USP6: variants seen among roughly 807,000 people sequenced by gnomAD.
USP6 encodes ubiquitin carboxyl-terminal hydrolase 6.
USP6 carries 128 observed loss-of-function variants against 175.7 expected under a neutral mutation model. That is an observed-to-expected ratio of 0.73 (90% CI 0.63 to 0.84). The LOEUF (loss-of-function observed/expected upper bound fraction) is 0.84, where lower values mean the gene tolerates loss of function less well. USP6 is among the 40% of genes least tolerant of loss of function. The pLI is 0.00. For synonymous variants in USP6, 562 were observed against 630.6 expected (o/e 0.89, Z 1.63); for missense variants, 1,498 against 1,760.3 (o/e 0.85, Z 2.67).
In USP6 at chr17:5,129,140, C is replaced by T. The variant is rs940623359; in HGVS notation, c.-156+7C>T. Reference sequence around the variant, plus strand: ...GAATGTACCCATTCGACAGGTGAGCCGTCTGGGGTCAGAGAGGCAGTAACT... The same window carrying T: ...GAATGTACCCATTCGACAGGTGAGCTGTCTGGGGTCAGAGAGGCAGTAACT... On this transcript the variant is annotated splice_region_variant and intron_variant, in intron 8 of 37. Coordinates refer to ENST00000574788, the MANE Select transcript of USP6 (RefSeq NM_001304284.2). 3.9e-5 allele frequency: 6 copies of T among 152,342 alleles called. No individual in the cohort carries two copies. The highest frequency in any genetic ancestry group is 9.7e-5 in the African/African-American group (4 of 41,432). 9.4% of individuals were successfully genotyped at this position (152,342 alleles called of 1,614,324 possible). A position where few individuals can be genotyped will look rare whatever the true frequency, so the allele number is the denominator to read the frequency against.
chr17:5,172,603 A>G (rs761895666), intron 37 of USP6, among the ~76,000 whole-genome samples: 8 of 152,208 alleles, frequency 5.3e-5, no homozygotes, highest in Admixed American at 2.6e-4. Flanking sequence ...TGACTTGTCT[A>G]TGGTCAAAAT....
chr17:5,144,801 GA>G lies in USP6; in HGVS notation c.1934del (p.Lys645SerfsTer6). 3.1e-6 allele frequency: 5 copies of G among 1,613,704 alleles called. No individual in the cohort carries two copies. The highest frequency in any genetic ancestry group is 3.4e-6 in the Non-Finnish European group (4 of 1,179,676). On this transcript the variant is annotated frameshift_variant, in exon 26 of 38. Transcript: ENST00000574788. LOFTEE classifies it high-confidence loss of function. ...TCATGAAGATCTCAACCGAGTCCATGAAAAGCCATATGTGGAACTGAAGGAC... is the reference window on the plus strand; with the variant it reads ...TCATGAAGATCTCAACCGAGTCCATGAAAGCCATATGTGGAACTGAAGGAC... ...GLHEDLNRVH[E>X]KPYVELKDSD...
chr17:5,165,987 T>G (rs1191202803), intron 33 of USP6, among the ~76,000 whole-genome samples: 1 of 152,240 alleles, frequency 6.6e-6, no homozygotes, highest in Admixed American at 6.5e-5. Flanking sequence ...TTACTCTCAT[T>G]TGTGGTTGGC....
In USP6 at chr17:5,121,622, G is replaced by A. The variant is rs7209201; in HGVS notation, c.-1427G>A. Reference sequence around the variant, plus strand: ...AGGGGCTCATCAGAAGCATGGAGCAGCAGCTGTGCGAGCTCTGCTGCGACG... The same window carrying A: ...AGGGGCTCATCAGAAGCATGGAGCAACAGCTGTGCGAGCTCTGCTGCGACG... On this transcript the variant is annotated 5_prime_UTR_variant, in exon 4 of 38. Coordinates refer to ENST00000574788, the MANE Select transcript of USP6 (RefSeq NM_001304284.2). The A allele has an allele frequency of 0.056, 9,006 of 161,700 alleles. 896 individuals carry two copies. Among genetic ancestry groups the A allele is most frequent in the African/African-American group, 0.2 (8,475 of 41,546 alleles). The allele number at this position is 161,700 out of a possible 1,614,324, so 10.0% of individuals were successfully genotyped here.
intron 4 of USP6, among the ~76,000 whole-genome samples, chr17:5,124,337 T>A (rs2072820349): frequency 6.6e-6 from 1 of 152,120 alleles, no homozygotes; most frequent in African/African-American, 2.4e-5. Context: ...GCTTCCCACA[T>A]AATCGGGTCA....
chr17:5,147,666 A>C (rs1288032339), intron 29 of USP6, among the ~76,000 whole-genome samples: 1 of 152,156 alleles, frequency 6.6e-6, no homozygotes, highest in African/African-American at 2.4e-5. Flanking sequence ...GGCTCCCTTC[A>C]TTGACGTGTA....
chr17:5,173,194 C>T lies in USP6; in HGVS notation c.*216C>T, dbSNP rs1290426869. On this transcript the variant is annotated 3_prime_UTR_variant, in exon 38 of 38. Coordinates refer to ENST00000574788, the MANE Select transcript of USP6 (RefSeq NM_001304284.2). ...TGATAGAGAACTTTCAGGCAGATCC[C>T]ACCATTAGCCTGTAAACAAAAGGTG... 1.7e-6 allele frequency: 1 copy of T among 579,364 alleles called. No homozygotes were observed. The allele number at this position is 579,364 out of a possible 1,614,324, so 35.9% of individuals were successfully genotyped here.
chr17:5,172,633 T>C (rs183052734), intron 37 of USP6, among the ~76,000 whole-genome samples, 172 bp from the exon 38 acceptor site: 245 of 152,292 alleles, frequency 1.6e-3, no homozygotes, highest in Middle Eastern at 6.8e-3. Flanking sequence ...AAAGCAAACA[T>C]TGGAAATAAT....
In USP6 at chr17:5,155,571, C is replaced by G. The variant is rs770425081; in HGVS notation, c.2793C>G (p.Leu931=). 5.6e-6 allele frequency: 9 copies of G among 1,613,982 alleles called. No homozygotes were observed. In the Admixed American group the frequency reaches 1.2e-4, roughly 21 times the overall value. ...AAGTATCCTGGTTAGCAAGACCACT[C>G]CCACCTCAGGAAGCTAGTATTCATG... ...WIQVSWLARP[L]PPQEASIHAQ... Residue 931 remains leucine, a synonymous_variant, in exon 31 of 38, where the codon CTC becomes CTG. Transcript: ENST00000574788.
At position 5,139,323 on chromosome 17, in the gene USP6, A is replaced by G; in HGVS notation, c.1147A>G (p.Lys383Glu). The G allele has an allele frequency of 6.2e-7, 1 of 1,611,478 alleles. No individual in the cohort carries two copies. The highest frequency in any genetic ancestry group is 1.3e-5 in the African/African-American group (1 of 75,016). ...PASRGGKTLC[K>E]GYRQAPPGPP... ...TTCACGTGGTGGGAAGACCCTCTGC[A>G]AGGGGTATAGGCAGGCCCCTCCAGG... Residue 383 changes from lysine (K) to glutamate (E), a missense_variant, in exon 22 of 38, where the codon AAG (lysine) becomes GAG (glutamate). Physicochemically the swap from Lys to Glu is moderately conservative, Grantham distance 56. Transcript: ENST00000574788.
In USP6 at chr17:5,116,731, C is replaced by G. The variant is rs1420371804; in HGVS notation, c.-1937C>G. The G allele has an allele frequency of 2.0e-5, 3 of 152,280 alleles. No individual in the cohort carries two copies. Among genetic ancestry groups the G allele is most frequent in the Non-Finnish European group, 4.4e-5 (3 of 68,064 alleles). 9.4% of individuals were successfully genotyped at this position (152,280 alleles called of 1,614,324 possible). On this transcript the variant is annotated 5_prime_UTR_variant, in exon 1 of 38. Coordinates refer to ENST00000574788, the MANE Select transcript of USP6 (RefSeq NM_001304284.2). ...ACCGGAATTTGAATTCGTTTCTTCA[C>G]TTACTAGTTGTGAGTCTTTGGGCAA...
Position 5,142,383 on chromosome 17 carries a change from T to C in USP6, c.1713-14T>C. 9 of 1,601,742 alleles carry C rather than the reference T, an allele frequency of 5.6e-6. No homozygotes were observed. Among genetic ancestry groups the C allele is most frequent in the Non-Finnish European group, 7.7e-6 (9 of 1,172,090 alleles). On this transcript the variant is annotated splice_polypyrimidine_tract_variant and intron_variant, in intron 24 of 37. Coordinates refer to ENST00000574788, the MANE Select transcript of USP6 (RefSeq NM_001304284.2). ...GAGAATCTTTGGCAACAAATTTTCC[T>C]CTCAAACTTCTAGGACAAATCCCAT...
In USP6 at chr17:5,155,603, A is replaced by T; in HGVS notation, c.2825A>T (p.Asp942Val). 6.2e-7 allele frequency: 1 copy of T among 1,613,920 alleles called. No individual in the cohort carries two copies. The highest frequency in any genetic ancestry group is 8.5e-7 in the Non-Finnish European group (1 of 1,179,900). ...CAGGAAGCTAGTATTCATGCCCAGG[A>T]TCGGTGAGTTCAGGGGATCCATCTA... ...PPQEASIHAQDRDNCMGYQYP... is the reference protein window; with the variant it reads ...PPQEASIHAQVRDNCMGYQYP... The change falls in exon 31 of 38, where the codon GAT (aspartate) becomes GTT (valine). Residue 942 changes from aspartate to valine, a missense_variant. This residue lies in a region of USP6 where 1,217 missense variants were observed against 1,500.8 expected (regional missense o/e 0.81). Coordinates refer to ENST00000574788, the MANE Select transcript of USP6 (RefSeq NM_001304284.2).
Position 5,136,725 on chromosome 17 carries a change from G to A in USP6, c.750G>A (p.Met250Ile), listed in dbSNP as rs748510133. ...HVVPKSQPKT[M>I]WHQDKEGLCG... is the part of the protein sequence containing the mutation. ...TACCCAAGTCACAACCCAAGACCAT[G>A]TGGCATCAGGTGAGTTTATGGTCCC... Residue 250 changes from methionine to isoleucine, a missense_variant, in exon 18 of 38, where the codon ATG becomes ATA. Met to Ile is a conservative substitution (Grantham distance 10, BLOSUM62 1). Around this residue, in one of 2 missense-constraint regions of USP6, gnomAD observed 1,217 missense variants for 1,500.8 expected, o/e 0.81. Coordinates refer to ENST00000574788, the MANE Select transcript of USP6 (RefSeq NM_001304284.2). The A allele has an allele frequency of 6.2e-7, 1 of 1,612,348 alleles. No individual in the cohort carries two copies. Among genetic ancestry groups the A allele is most frequent in the Non-Finnish European group, 8.5e-7 (1 of 1,179,740 alleles).
intron 16 of USP6, 146 bp downstream of exon 16, chr17:5,135,428 A>G (rs1478116368): frequency 4.9e-5 from 58 of 1,174,010 alleles, no homozygotes; most frequent in Non-Finnish European, 6.2e-5. Flanking sequence ...CACCGCTGGC[A>G]TAAACCTCCA....
intron 14 of USP6, 130 bp from the exon 15 acceptor site, chr17:5,133,757 C>G: frequency 1.6e-6 from 2 of 1,218,810 alleles, no homozygotes; most frequent in South Asian, 1.2e-5. Flanking sequence ...CAAAAAGCAG[C>G]TTTCTGCAGA....
At chr17:5,139,764 C>T in intron 22 of USP6, 90 bp downstream of exon 22, 1 of 1,596,236 alleles carries the variant, frequency 6.3e-7, no homozygotes, top group South Asian at 1.1e-5. Context: ...GACCGGGATA[C>T]CTCCTTTGCA....
chr17:5,151,351 G>A (rs1487863677), intron 30 of USP6, among the ~76,000 whole-genome samples: 1 of 152,018 alleles, frequency 6.6e-6, no homozygotes, highest in Non-Finnish European at 1.5e-5. Context: ...TAGAAGACTC[G>A]ATATTTTAAG....
Position 5,161,487 on chromosome 17 carries a change from A to G in USP6, c.2829-41A>G, listed in dbSNP as rs191153586. On this transcript the variant is annotated intron_variant, in intron 31 of 37. Transcript: ENST00000574788. ...ATGAAAAGGAGTTGGACCTCGAACC[A>G]GAAATGCTTCTTACACTCTTTTTGT... 5.5e-5 allele frequency: 88 copies of G among 1,605,336 alleles called. No individual in the cohort carries two copies. The African/African-American group carries it at 1.0e-3, about 18-fold the overall frequency.
Sources: allele counts gnomAD v4.1 joint callset (sites outside exome capture counted in the v4.1 genomes callset), GRCh38; gene constraint gnomAD v4.1.1; regional missense constraint gnomAD v4.1.1; transcripts MANE v1.5; gene names NCBI Gene and HGNC (gene_info 2026-07-23, HGNC 2026-07-21).